SLC24A1: variants seen among roughly 807,000 people sequenced by gnomAD.
SLC24A1 encodes solute carrier family 24 member 1.
Under a neutral mutation model 88.1 loss-of-function variants are expected in SLC24A1, and 52 were observed. The ratio of observed to expected loss-of-function variants is 0.59; its 90% confidence interval spans 0.47 to 0.74. The LOEUF (loss-of-function observed/expected upper bound fraction) is 0.74. Ranked by LOEUF, SLC24A1 falls within the 30% of genes least tolerant of loss-of-function variation. The pLI, the probability that SLC24A1 is intolerant of heterozygous loss-of-function variation, is 0.00. For synonymous variants in SLC24A1, 455 were observed against 498.0 expected (o/e 0.91, Z 1.15); for missense variants, 1,173 against 1,363.3 (o/e 0.86, Z 2.20).
chr15:65,645,747 G>A (rs764322567), intron 6 of SLC24A1, 44 bp downstream of exon 6: 1 of 1,390,914 alleles, frequency 7.2e-7, no homozygotes, highest in African/African-American at 1.4e-5. Flanking sequence ...AGAGGTCTAG[G>A]GAAGGAACTC....
At chr15:65,615,225 A>C (rs1478361701) in intron 2 of SLC24A1, among the ~76,000 whole-genome samples, 1 of 152,154 alleles carries the variant, frequency 6.6e-6, no homozygotes, top group Non-Finnish European at 1.5e-5. Flanking sequence ...CAAACAAACA[A>C]ACAAACAAAA....
chr15:65,612,602 A>T (rs990861925), exon 2 of SLC24A1: 1 of 152,288 alleles, frequency 6.6e-6, no homozygotes, highest in Non-Finnish European at 1.5e-5. Flanking sequence ...TTGAGCAGGC[A>T]TTGGGCTCCA....
At position 65,650,549 on chromosome 15, in the gene SLC24A1, A is replaced by T. The variant is rs372990343; in HGVS notation, c.2400A>T (p.Ala800=). 5.8e-6 allele frequency: 9 copies of T among 1,551,854 alleles called. No individual in the cohort carries two copies. The highest frequency in any genetic ancestry group is 2.0e-5 in the Admixed American group (1 of 50,986). Residue 800 remains alanine, a synonymous_variant, in exon 7 of 10, where the codon GCA becomes GCT. Coordinates refer to ENST00000261892, the MANE Select transcript of SLC24A1 (RefSeq NM_004727.3). This position sits in a 1 kb window ranked among gnomAD's most constrained non-coding sequence, Gnocchi z 4.1. ...AAGAATGTGAAGATGAAAATGAAGC[A>T]GAAGGAAAAGGAGACAATGAAGGTG... ...KGEECEDENE[A]EGKGDNEGED...
Position 65,656,260 on chromosome 15 carries a change from A to G in SLC24A1, c.*2181A>G. ...GATTAAAACCAACTCTAATAATCTG[A>G]CATCCTTTTCCCAGTTTGCTGAATT... On this transcript the variant is annotated 3_prime_UTR_variant, in exon 10 of 10. Coordinates refer to ENST00000261892, the MANE Select transcript of SLC24A1 (RefSeq NM_004727.3). 1 of 985,054 alleles carries G rather than the reference A, an allele frequency of 1.0e-6. No individual in the cohort carries two copies. The highest frequency in any genetic ancestry group is 1.2e-6 in the Non-Finnish European group (1 of 829,576). 61.0% of individuals were successfully genotyped at this position (985,054 alleles called of 1,614,324 possible).
intron 2 of SLC24A1, among the ~76,000 whole-genome samples, chr15:65,635,164 C>T (rs1359662319): frequency 6.6e-6 from 1 of 151,734 alleles, no homozygotes; most frequent in Non-Finnish European, 1.5e-5. Flanking sequence ...AGAGTGTAGA[C>T]GGGACCCTCA....
chr15:65,636,695 G>A (rs1035788670), intron 2 of SLC24A1, among the ~76,000 whole-genome samples: 1 of 151,926 alleles, frequency 6.6e-6, no homozygotes, highest in African/African-American at 2.4e-5. Context: ...GGCCAACATG[G>A]TGAAACCCCA....
downstream of SLC24A1, among the ~76,000 whole-genome samples, chr15:65,657,437 C>G (rs953597176): frequency 6.6e-6 from 1 of 151,758 alleles, no homozygotes; most frequent in Non-Finnish European, 1.5e-5. Context: ...GTCAGTAGAT[C>G]GAGACCATCC....
chr15:65,635,747 T>C (rs2074912421), intron 2 of SLC24A1, among the ~76,000 whole-genome samples: 1 of 152,236 alleles, frequency 6.6e-6, no homozygotes, highest in African/African-American at 2.4e-5. Flanking sequence ...TTACTCAAAT[T>C]CTACCTATTT....
chr15:65,636,175 C>T (rs947993156), intron 2 of SLC24A1, among the ~76,000 whole-genome samples: 1 of 152,224 alleles, frequency 6.6e-6, no homozygotes, highest in Non-Finnish European at 1.5e-5. Context: ...ACACTAAAGG[C>T]TGGATGTGCT....
chr15:65,627,699 C>G (rs2074566923), intron 2 of SLC24A1, among the ~76,000 whole-genome samples: 1 of 152,210 alleles, frequency 6.6e-6, no homozygotes. Context: ...ATGCCTAATG[C>G]TTTGGTGTAC....
chr15:65,655,158 C>A lies in SLC24A1; in HGVS notation c.*1079C>A, dbSNP rs979361477. 6 of 989,534 alleles carry A rather than the reference C, an allele frequency of 6.1e-6. No homozygotes were observed. The African/African-American group carries it at 8.7e-5, about 14-fold the overall frequency. 61.3% of individuals were successfully genotyped at this position (989,534 alleles called of 1,614,324 possible). Reference sequence around the variant, plus strand: ...TCTAATGGAATGTCCTGGCTCCACCCTCCAGCATGTTCTCACCCAACAATG... The same window carrying A: ...TCTAATGGAATGTCCTGGCTCCACCATCCAGCATGTTCTCACCCAACAATG... On this transcript the variant is annotated 3_prime_UTR_variant, in exon 10 of 10. Coordinates refer to ENST00000261892, the MANE Select transcript of SLC24A1 (RefSeq NM_004727.3).
intron 2 of SLC24A1, among the ~76,000 whole-genome samples, chr15:65,637,385 G>A (rs2074975856): frequency 1.3e-5 from 2 of 152,020 alleles, no homozygotes; most frequent in African/African-American, 2.4e-5. Context: ...GGCATGGAAG[G>A]GGCATTTGGG....
At chr15:65,634,603 G>A (rs2074841393) in intron 2 of SLC24A1, among the ~76,000 whole-genome samples, 1 of 152,104 alleles carries the variant, frequency 6.6e-6, no homozygotes, top group African/African-American at 2.4e-5. Flanking sequence ...ACACCCAAAT[G>A]TTGACAAACA....
In SLC24A1 at chr15:65,654,004, C is replaced by T; in HGVS notation, c.3225C>T (p.Phe1075=). The change falls in exon 10 of 10, where the codon TTC becomes TTT. Residue 1075 remains phenylalanine (F), a synonymous_variant. Transcript: ENST00000261892. ...ACAAGATCCTGGGCTTCACAATGTT[C>T]CTCCTTTACTTTGTATTCCTGATAA... ...RMNKILGFTM[F]LLYFVFLIIS... 6.2e-7 allele frequency: 1 copy of T among 1,613,228 alleles called. No homozygotes were observed.
intron 4 of SLC24A1, among the ~76,000 whole-genome samples, chr15:65,640,515 G>A (rs938658982): frequency 6.6e-6 from 1 of 152,148 alleles, no homozygotes. Flanking sequence ...GGGCTCTGGT[G>A]CAGAACCGGA....
At chr15:65,657,297 C>A (rs999304891), downstream of SLC24A1, among the ~76,000 whole-genome samples, 1 of 152,062 alleles carries the variant, frequency 6.6e-6, no homozygotes, top group Admixed American at 6.5e-5. Context: ...AGATTGAGTA[C>A]CAAAGGGGGC....
chr15:65,650,901 G>A lies in SLC24A1; in HGVS notation c.2752G>A (p.Val918Met), dbSNP rs775935542. The change falls in exon 7 of 10, where the codon GTG becomes ATG. Residue 918 changes from valine (V) to methionine (M), a missense_variant. By Grantham distance (21) the Val-to-Met change is conservative. Transcript: ENST00000261892. The surrounding 1 kb of genome is among the most constrained non-coding windows in gnomAD (Gnocchi z 4.1). ...QAIYLFLLPI[V>M]FPLWLTVPDV... is the part of the protein sequence containing the mutation. ...CATTTACCTCTTCCTTCTGCCCATC[G>A]TGTTCCCACTGTGGCTGACAGTCCC... The A allele has an allele frequency of 6.2e-6, 10 of 1,613,836 alleles. No individual in the cohort carries two copies. Among genetic ancestry groups the A allele is most frequent in the African/African-American group, 2.7e-5 (2 of 74,918 alleles).
rs369634619 is a variant in SLC24A1 at position 65,654,090 on chromosome 15, C to A, written c.*11C>A. ...CCTGTATCTGTCTGAATCAGTCACTCTTGCTCACAATGGGCATGGATCAGA... is the reference window on the plus strand; with the variant it reads ...CCTGTATCTGTCTGAATCAGTCACTATTGCTCACAATGGGCATGGATCAGA... On this transcript the variant is annotated 3_prime_UTR_variant, in exon 10 of 10. Coordinates refer to ENST00000261892, the MANE Select transcript of SLC24A1 (RefSeq NM_004727.3). The A allele has an allele frequency of 5.6e-6, 9 of 1,608,772 alleles. No homozygotes were observed. In the African/African-American group the frequency reaches 1.2e-4, roughly 22 times the overall value.
Position 65,655,409 on chromosome 15 carries a change from GA to G in SLC24A1, c.*1334del. On this transcript the variant is annotated 3_prime_UTR_variant, in exon 10 of 10. Coordinates refer to ENST00000261892, the MANE Select transcript of SLC24A1 (RefSeq NM_004727.3). Reference sequence around the variant, plus strand: ...GCATAACACAATGACAACATGGTGAGAAAAGTGCAGTACTACTTCCAAGGTA... The same window carrying G: ...GCATAACACAATGACAACATGGTGAGAAAGTGCAGTACTACTTCCAAGGTA... 1.0e-6 allele frequency: 1 copy of G among 985,460 alleles called. No homozygotes were observed. Among genetic ancestry groups the G allele is most frequent in the Non-Finnish European group, 1.2e-6 (1 of 829,932 alleles). The allele number at this position is 985,460 out of a possible 1,614,324, so 61.0% of individuals were successfully genotyped here. A position where few individuals can be genotyped will look rare whatever the true frequency, so the allele number is the denominator to read the frequency against.
Sources: allele counts gnomAD v4.1 joint callset (sites outside exome capture counted in the v4.1 genomes callset), GRCh38; gene constraint gnomAD v4.1.1; non-coding constraint Gnocchi (gnomAD v3.1); transcripts MANE v1.5; gene names NCBI Gene and HGNC (gene_info 2026-07-23, HGNC 2026-07-21).